The following GRIN2A variants were observed in gnomAD, a reference collection of about 807,000 sequenced individuals.
The protein encoded by GRIN2A is glutamate ionotropic receptor NMDA type subunit 2A, also known as glutamate receptor ionotropic, NMDA 2A.
A neutral mutation model predicts 113.4 loss-of-function variants in GRIN2A; 22 were observed. The ratio of observed to expected loss-of-function variants is 0.19; its 90% CI spans 0.14 to 0.28. The LOEUF is 0.28. GRIN2A is among the 10% of genes least tolerant of loss of function. The pLI, the probability that GRIN2A is intolerant of heterozygous loss-of-function variation, is 1.00. For missense variants in GRIN2A, 1,502 were observed against 1,887.0 expected (o/e 0.80, Z 3.78); for synonymous variants, 827 against 738.4 (o/e 1.12, Z -1.94).
chr16:9,844,449 G>T (rs2042737025), intron 5 of GRIN2A, among the ~76,000 whole-genome samples: 1 of 152,178 alleles, frequency 6.6e-6, no homozygotes, highest in East Asian at 1.9e-4. Flanking sequence ...ACGTCTGTTG[G>T]TTCCTATTAC....
chr16:9,945,508 T>C (rs893348805), intron 2 of GRIN2A, among the ~76,000 whole-genome samples: 1 of 152,122 alleles, frequency 6.6e-6, no homozygotes, highest in Non-Finnish European at 1.5e-5. Flanking sequence ...GAATGCCCTG[T>C]AGTCAGGATA....
chr16:9,808,944 T>A (rs1207780542), intron 10 of GRIN2A, among the ~76,000 whole-genome samples: 1 of 151,700 alleles, frequency 6.6e-6, no homozygotes, highest in Non-Finnish European at 1.5e-5. Context: ...AAGAAAATGC[T>A]TAAAAATATT....
intron 4 of GRIN2A, among the ~76,000 whole-genome samples, chr16:9,890,722 A>G (rs567823329): frequency 6.0e-4 from 92 of 152,340 alleles, no homozygotes; most frequent in African/African-American, 1.9e-3. Context: ...TCTTTAAATT[A>G]TCCTTAGTTC....
chr16:10,027,761 A>C (rs954847973), intron 2 of GRIN2A: 1 of 152,516 alleles, frequency 6.6e-6, no homozygotes, highest in Non-Finnish European at 1.5e-5. Flanking sequence ...CAAGCAAGGC[A>C]ATGTTGATGC....
At chr16:9,818,931 T>C (rs917777190) in intron 10 of GRIN2A, among the ~76,000 whole-genome samples, 16 of 152,192 alleles carry the variant, frequency 1.1e-4, no homozygotes, top group Non-Finnish European at 2.1e-4. Context: ...ACAGCTTTGT[T>C]TGCAATAGCA....
At chr16:10,111,458 G>A in intron 2 of GRIN2A, 2 of 598,032 alleles carry the variant, frequency 3.3e-6, no homozygotes, top group Non-Finnish European at 6.1e-6. Context: ...CTCTTCCTCG[G>A]CGCCAACTGC....
chr16:9,838,628 T>C (rs1397327344), intron 7 of GRIN2A, among the ~76,000 whole-genome samples: 1 of 152,172 alleles, frequency 6.6e-6, no homozygotes, highest in Admixed American at 6.5e-5. Flanking sequence ...CTGATTTAAA[T>C]TAACTGTGGA....
chr16:9,915,755 C>A (rs1469932963), intron 3 of GRIN2A, among the ~76,000 whole-genome samples: 1 of 152,194 alleles, frequency 6.6e-6, no homozygotes, highest in Non-Finnish European at 1.5e-5. Context: ...CTGCAACTTG[C>A]TACTTATATA....
chr16:10,018,594 G>T (rs1596423522), intron 2 of GRIN2A, among the ~76,000 whole-genome samples: 1 of 152,126 alleles, frequency 6.6e-6, no homozygotes, highest in African/African-American at 2.4e-5. Context: ...TGAGAGAGGG[G>T]TGAACCTCTG....
intron 2 of GRIN2A, among the ~76,000 whole-genome samples, chr16:10,043,720 C>G (rs1044527704): frequency 6.6e-6 from 1 of 151,954 alleles, no homozygotes; most frequent in Non-Finnish European, 1.5e-5. Flanking sequence ...AGCATCTTAA[C>G]CTGCCCCCAT....
At position 10,181,864 on chromosome 16, in the gene GRIN2A, C is replaced by G. The variant is rs1397174316; in HGVS notation, c.-19+13G>C. ...CCCGGCCCAAGGAGCCCTGATCTCC[C>G]TCTGGGACGTACCTGTAGCCCGAGA... On this transcript the variant is annotated intron_variant, in intron 1 of 12. Coordinates refer to ENST00000330684, the MANE Select transcript of GRIN2A (RefSeq NM_001134407.3). 6.5e-6 allele frequency: 1 copy of G among 153,040 alleles called. No individual in the cohort carries two copies. The highest frequency in any genetic ancestry group is 1.5e-5 in the Non-Finnish European group (1 of 68,302). The allele number at this position is 153,040 out of a possible 1,614,324, so 9.5% of individuals were successfully genotyped here.
intron 2 of GRIN2A, among the ~76,000 whole-genome samples, chr16:9,976,457 G>T (rs188446851): frequency 6.6e-6 from 1 of 152,120 alleles, no homozygotes; most frequent in South Asian, 2.1e-4. Flanking sequence ...TTTGTTGAAC[G>T]TTCCTTCCTC....
At chr16:10,135,511 C>T (rs2049173277) in intron 2 of GRIN2A, among the ~76,000 whole-genome samples, 1 of 152,176 alleles carries the variant, frequency 6.6e-6, no homozygotes. Flanking sequence ...CACACAATTC[C>T]AAGGCCACTG....
Position 10,180,301 on chromosome 16 carries a change from C to G in GRIN2A, c.111G>C (p.Ala37=). The stretch of plus-strand genomic sequence containing the variant: ...CGTCGTGGCTGTGACCCAGCATCAC[C>G]GCAATATTTAGCGCGGGGGGACCCT... ...AEKGPPALNI[A]VMLGHSHDVT... Residue 37 remains alanine (A), a synonymous_variant, in exon 2 of 13, where the codon GCG becomes GCC. Transcript: ENST00000330684. The surrounding 1 kb of genome is among the most constrained non-coding windows in gnomAD (Gnocchi z 7.0). 4 of 1,612,406 alleles carry G rather than the reference C, an allele frequency of 2.5e-6. No individual in the cohort carries two copies. The highest frequency in any genetic ancestry group is 3.4e-6 in the Non-Finnish European group (4 of 1,179,966).
intron 3 of GRIN2A, among the ~76,000 whole-genome samples, chr16:9,925,565 T>G (rs2044447514): frequency 6.6e-6 from 1 of 152,224 alleles, no homozygotes; most frequent in African/African-American, 2.4e-5. Flanking sequence ...TCTGCCACAC[T>G]TGAATCCCCT....
chr16:9,817,039 C>A (rs2042198982), intron 10 of GRIN2A, among the ~76,000 whole-genome samples: 1 of 152,140 alleles, frequency 6.6e-6, no homozygotes, highest in African/African-American at 2.4e-5. Context: ...CTGATAATTT[C>A]TTTATCTCCA....
At chr16:9,831,538 T>C (rs925744249) in intron 8 of GRIN2A, among the ~76,000 whole-genome samples, 28 of 143,040 alleles carry the variant, frequency 2.0e-4, no homozygotes, top group African/African-American at 7.5e-4. Context: ...TTTTTTGAGA[T>C]GGAGTCTTGC....
At chr16:10,145,601 A>C (rs1229682665) in intron 2 of GRIN2A, among the ~76,000 whole-genome samples, 1 of 152,184 alleles carries the variant, frequency 6.6e-6, no homozygotes, top group Non-Finnish European at 1.5e-5. Context: ...TATGTTTGCT[A>C]ATCTCCATAG....
At chr16:10,003,100 G>C (rs567487282) in intron 2 of GRIN2A, among the ~76,000 whole-genome samples, 1 of 152,204 alleles carries the variant, frequency 6.6e-6, no homozygotes, top group African/African-American at 2.4e-5. Flanking sequence ...AAGCGAATAC[G>C]AGGCAATCAG....
Sources: allele counts gnomAD v4.1 joint callset (sites outside exome capture counted in the v4.1 genomes callset), GRCh38; gene constraint gnomAD v4.1.1; non-coding constraint Gnocchi (gnomAD v3.1); transcripts MANE v1.5; gene names NCBI Gene and HGNC (gene_info 2026-07-23, HGNC 2026-07-21).